The following ADAMTS2 variants were observed in gnomAD, a reference collection of about 807,000 sequenced individuals.
ADAMTS2 encodes the protein A disintegrin and metalloproteinase with thrombospondin motifs 2.
Under a neutral mutation model 123.0 loss-of-function variants are expected in ADAMTS2, and 50 were observed. That is an observed-to-expected ratio of 0.41 (90% CI 0.32 to 0.51). ADAMTS2 has a LOEUF of 0.51. ADAMTS2 is among the 20% of genes least tolerant of loss of function. ADAMTS2 has a pLI of 0.35. For missense variants in ADAMTS2, 1,494 were observed against 1,705.2 expected, an observed-to-expected ratio of 0.88 and a Z score of 2.18; for synonymous variants, 678 against 695.4, an observed-to-expected ratio of 0.98 and a Z score of 0.39.
Position 179,228,393 on chromosome 5 carries a change from A to T in ADAMTS2, c.689-20678T>A, listed in dbSNP as rs1426894012. 6.6e-6 allele frequency among the ~76,000 whole-genome samples: 1 copy of T among 152,200 alleles called. No homozygotes were observed. The highest frequency in any genetic ancestry group is 1.5e-5 in the Non-Finnish European group (1 of 68,036). On this transcript the variant is annotated intron_variant, in intron 3 of 21. Coordinates refer to ENST00000251582, the MANE Select transcript of ADAMTS2 (RefSeq NM_014244.5). This position sits in a 1 kb window ranked among gnomAD's most constrained non-coding sequence, Gnocchi z 5.2. The stretch of plus-strand genomic sequence containing the variant: ...TCCACCAGAACCCAGTCTGGGCACC[A>T]GCCTGTTTTCTTGTCCTCTCCAGCC...
intron 2 of ADAMTS2, among the ~76,000 whole-genome samples, chr5:179,302,200 G>A (rs1330005088): frequency 1.3e-5 from 2 of 152,002 alleles, no homozygotes; most frequent in African/African-American, 4.8e-5. Flanking sequence ...GGTGGCTCAT[G>A]CCTGTAATCC....
In ADAMTS2 at chr5:179,154,844, G is replaced by T; in HGVS notation, c.1208C>A (p.Ala403Glu). The T allele has an allele frequency of 6.2e-7, 1 of 1,613,198 alleles. No homozygotes were observed. Among genetic ancestry groups the T allele is most frequent in the Non-Finnish European group, 8.5e-7 (1 of 1,179,748 alleles). Reference sequence around the variant, plus strand: ...GCCAGTCTCATGGGCCACCACAAACGCTGAGGAGAAGCCGTCCTCATGGTT... The same window carrying T: ...GCCAGTCTCATGGGCCACCACAAACTCTGAGGAGAAGCCGTCCTCATGGTT... The part of the protein sequence containing the change: ...TLNHEDGFSS[A>E]FVVAHETGHV... The change falls in exon 7 of 22, where the codon GCG (alanine) becomes GAG (glutamate). Residue 403 changes from alanine to glutamate, a missense_variant. Transcript: ENST00000251582.
At chr5:179,297,800 C>T (rs756537797) in intron 2 of ADAMTS2, among the ~76,000 whole-genome samples, 2 of 152,190 alleles carry the variant, frequency 1.3e-5, no homozygotes, top group Non-Finnish European at 2.9e-5. Context: ...TCTCGCCTCC[C>T]CTGCTGCGTC....
Position 179,343,920 on chromosome 5 carries a change from G to A in ADAMTS2, c.381C>T (p.Asn127=), listed in dbSNP as rs1757856674. ...GRDLHLRLRP[N]ARLVAPGATM... ...TGGCCCCGGGCGCCACGAGGCGGGC[G>A]TTGGGCCGCAGCCGCAGGTGCAGGT... The change falls in exon 2 of 22, where the codon AAC becomes AAT. Residue 127 remains asparagine (N), a synonymous_variant. Coordinates refer to ENST00000251582, the MANE Select transcript of ADAMTS2 (RefSeq NM_014244.5). 1 of 1,607,700 alleles carries A rather than the reference G, an allele frequency of 6.2e-7. No homozygotes were observed. The highest frequency in any genetic ancestry group is 1.3e-5 in the African/African-American group (1 of 74,916).
intron 2 of ADAMTS2, among the ~76,000 whole-genome samples, chr5:179,336,013 A>G (rs761333988): frequency 6.6e-6 from 1 of 152,218 alleles, no homozygotes; most frequent in Non-Finnish European, 1.5e-5. Flanking sequence ...CTTTTAATAC[A>G]TTGAAATTTC....
At chr5:179,169,884 T>A (rs1377170922) in intron 5 of ADAMTS2, among the ~76,000 whole-genome samples, 1 of 152,252 alleles carries the variant, frequency 6.6e-6, no homozygotes, top group South Asian at 2.1e-4. Flanking sequence ...TGGTTTTTTA[T>A]AACAAGACAC....
chr5:179,140,934 G>A (rs574014173), intron 10 of ADAMTS2, among the ~76,000 whole-genome samples: 5 of 150,654 alleles, frequency 3.3e-5, no homozygotes, highest in African/African-American at 9.7e-5. Context: ...CGAGTAGCTG[G>A]GATTACAGGT....
rs112240616 is a variant in ADAMTS2, at chr5:179,155,019, A to G, written c.1133-100T>C. The G allele has an allele frequency of 1.0e-4, 107 of 1,062,458 alleles. 1 individual carries two copies. The highest frequency in any genetic ancestry group is 4.8e-4 in the Admixed American group (24 of 50,370). The allele number at this position is 1,062,458 out of a possible 1,614,324, so 65.8% of individuals were successfully genotyped here. A position where few individuals can be genotyped will look rare whatever the true frequency, so the allele number is the denominator to read the frequency against. On this transcript the variant is annotated intron_variant, in intron 6 of 21. Coordinates refer to ENST00000251582, the MANE Select transcript of ADAMTS2 (RefSeq NM_014244.5). This position sits in a 1 kb window ranked among gnomAD's most constrained non-coding sequence, Gnocchi z 5.1. Reference sequence around the variant, plus strand: ...GGCGCTGCTTCTCCTCAAGGCCCCAATGCCCTCTCTACCACAGGCAACTGC... The same window carrying G: ...GGCGCTGCTTCTCCTCAAGGCCCCAGTGCCCTCTCTACCACAGGCAACTGC...
At chr5:179,221,401 C>G (rs1330166789) in intron 3 of ADAMTS2, among the ~76,000 whole-genome samples, 2 of 152,196 alleles carry the variant, frequency 1.3e-5, no homozygotes, top group African/African-American at 4.8e-5. Flanking sequence ...CCTGGCCCAG[C>G]TGAGGACCTT....
At chr5:179,226,433 AT>A (rs3084688) in intron 3 of ADAMTS2, among the ~76,000 whole-genome samples, 67,609 of 144,190 alleles carry the variant, frequency 0.47, 16,234 homozygotes, top group African/African-American at 0.6. Flanking sequence ...TACCTGGTTA[AT>A]TTTTTTTTTT....
At chr5:179,156,694 T>C (rs1453549449) in intron 6 of ADAMTS2, among the ~76,000 whole-genome samples, 1 of 152,144 alleles carries the variant, frequency 6.6e-6, no homozygotes, top group Non-Finnish European at 1.5e-5. Flanking sequence ...ATCCTATCCA[T>C]AATTTTATAC....
At chr5:179,209,813 C>A (rs1373953142) in intron 3 of ADAMTS2, among the ~76,000 whole-genome samples, 1 of 152,200 alleles carries the variant, frequency 6.6e-6, no homozygotes, top group Non-Finnish European at 1.5e-5. Context: ...ACATTTATTT[C>A]TTTGCATTTC....
chr5:179,256,612 G>A lies in ADAMTS2; in HGVS notation c.688+16299C>T, dbSNP rs2113479088. The stretch of plus-strand genomic sequence containing the variant: ...GAGTCCAGGAGTCTCACACTCCACT[G>A]CAAACCAGGCAGGCGGGGCCAGCAT... On this transcript the variant is annotated intron_variant, in intron 3 of 21. Transcript: ENST00000251582. The surrounding 1 kb of genome is among the most constrained non-coding windows in gnomAD (Gnocchi z 4.1). Among the ~76,000 whole-genome samples the A allele has an allele frequency of 6.6e-6, 1 of 152,284 alleles. No individual in the cohort carries two copies. The highest frequency in any genetic ancestry group is 3.4e-3 in the Middle Eastern group (1 of 294).
At chr5:179,171,107 G>C (rs1763806542) in intron 5 of ADAMTS2, among the ~76,000 whole-genome samples, 1 of 152,166 alleles carries the variant, frequency 6.6e-6, no homozygotes, top group Admixed American at 6.5e-5. Context: ...CTCGGTTTTT[G>C]TCACATTTGC....
At chr5:179,340,737 G>T (rs1757749243) in intron 2 of ADAMTS2, among the ~76,000 whole-genome samples, 1 of 152,130 alleles carries the variant, frequency 6.6e-6, no homozygotes, top group South Asian at 2.1e-4. Context: ...TGGCACAGGG[G>T]GCTCAGCTGA....
rs76922651 is a variant in ADAMTS2 at position 179,228,607 on chromosome 5, G to A, written c.689-20892C>T. ...CCTGATGCAGTCTCTCGGCAGCAAG[G>A]CAGGTGCCCTGAGACCTGGAGGTGC... is the stretch of plus-strand genomic sequence containing the variant. On this transcript the variant is annotated intron_variant, in intron 3 of 21. Transcript: ENST00000251582. This position sits in a 1 kb window ranked among gnomAD's most constrained non-coding sequence, Gnocchi z 5.2. 8.0e-4 allele frequency among the ~76,000 whole-genome samples: 122 copies of A among 152,378 alleles called. 1 individual carries two copies. The East Asian group carries it at 0.021, about 27-fold the overall frequency.
chr5:179,333,204 C>A (rs1037351184), intron 2 of ADAMTS2, among the ~76,000 whole-genome samples: 23 of 152,322 alleles, frequency 1.5e-4, no homozygotes, highest in African/African-American at 5.5e-4. Context: ...CCATGGAATT[C>A]CCTTTGACTG....
intron 17 of ADAMTS2, among the ~76,000 whole-genome samples, chr5:179,126,829 T>C (rs1046642836): frequency 2.0e-5 from 3 of 151,918 alleles, no homozygotes; most frequent in African/African-American, 7.2e-5. Context: ...CTGGGGAGGC[T>C]GACGTGGTGG....
chr5:179,140,699 C>T (rs530712605), intron 10 of ADAMTS2, among the ~76,000 whole-genome samples: 22 of 151,576 alleles, frequency 1.5e-4, no homozygotes, highest in African/African-American at 5.3e-4. Flanking sequence ...CACACAAAAA[C>T]GTTTTAAAAC....
Sources: allele counts gnomAD v4.1 joint callset (sites outside exome capture counted in the v4.1 genomes callset), GRCh38; gene constraint gnomAD v4.1.1; non-coding constraint Gnocchi (gnomAD v3.1); transcripts MANE v1.5; gene names NCBI Gene and HGNC (gene_info 2026-07-23, HGNC 2026-07-21).